The following STPG2 variants were observed in gnomAD, a reference collection of about 807,000 sequenced individuals.
STPG2 encodes the protein sperm-tail PG-rich repeat-containing protein 2.
STPG2 carries 56 observed loss-of-function variants against 54.2 expected under a neutral mutation model. That is an observed-to-expected ratio of 1.03 (90% CI 0.83 to 1.29). The LOEUF is 1.29. Among genes scored for constraint, STPG2 ranks in the 50% most tolerant of loss-of-function variants. STPG2 has a pLI of 0.00. For missense variants in STPG2, 596 were observed against 544.9 expected (o/e 1.09, Z -0.93); for synonymous variants, 200 against 181.8 (o/e 1.10, Z -0.81).
intron 3 of STPG2, among the ~76,000 whole-genome samples, chr4:98,127,246 GT>G (rs1417294942): frequency 1.3e-5 from 2 of 152,040 alleles, no homozygotes; most frequent in African/African-American, 2.4e-5. Flanking sequence ...TTTAACCTGT[GT>G]TTTATCTGTG....
At chr4:97,671,706 G>C (rs749521377) in intron 10 of STPG2, among the ~76,000 whole-genome samples, 4 of 152,092 alleles carry the variant, frequency 2.6e-5, no homozygotes, top group African/African-American at 4.8e-5. Context: ...TCCTTGCTTT[G>C]TTACTTTGTC....
intron 8 of STPG2, among the ~76,000 whole-genome samples, chr4:97,878,609 C>G (rs1284055224): frequency 6.6e-6 from 1 of 152,160 alleles, no homozygotes; most frequent in East Asian, 1.9e-4. Flanking sequence ...CACAGGGCAC[C>G]AAGTCCCTAG....
intron 4 of STPG2, among the ~76,000 whole-genome samples, chr4:97,501,250 A>G (rs1364725293): frequency 1.3e-5 from 2 of 152,138 alleles, no homozygotes; most frequent in Non-Finnish European, 2.9e-5. Context: ...AAATGTGTCT[A>G]GGATAATTCA....
chr4:97,605,428 A>C (rs1733568979), intron 10 of STPG2, among the ~76,000 whole-genome samples: 1 of 151,740 alleles, frequency 6.6e-6, no homozygotes, highest in African/African-American at 2.4e-5. Context: ...GAAGCCTAAA[A>C]AGTTTGTGCT....
At chr4:98,137,558 G>T (rs187264607) in intron 1 of STPG2, among the ~76,000 whole-genome samples, 303 of 151,576 alleles carry the variant, frequency 2.0e-3, no homozygotes, top group African/African-American at 7.2e-3. Context: ...CAATAAAAGG[G>T]TTTTAAGTTT....
chr4:97,665,665 C>A (rs563913717), intron 10 of STPG2, among the ~76,000 whole-genome samples: 3 of 152,276 alleles, frequency 2.0e-5, no homozygotes, highest in South Asian at 2.1e-4. Flanking sequence ...TGGGACCCAC[C>A]CTTTTCCAGC....
In STPG2 at chr4:97,913,557, T is replaced by C. The variant is rs182461267; in HGVS notation, c.1044+30340A>G. ...CCTTGCGCATATAATAATGATAGTA[T>C]AGCTTTAAATTATCAATTAAGATTA... On this transcript the variant is annotated intron_variant, in intron 8 of 10. Coordinates refer to ENST00000295268, the MANE Select transcript of STPG2 (RefSeq NM_174952.3). 4.3e-3 allele frequency among the ~76,000 whole-genome samples: 657 copies of C among 152,236 alleles called. 3 individuals are homozygous for C. Among genetic ancestry groups the C allele is most frequent in the South Asian group, 0.024 (117 of 4,828 alleles).
intron 4 of STPG2, among the ~76,000 whole-genome samples, chr4:97,517,509 A>T (rs570573249): frequency 5.9e-4 from 90 of 152,258 alleles, no homozygotes; most frequent in Non-Finnish European, 1.1e-3. Flanking sequence ...TCTGACTGCT[A>T]TTTGGAGAAT....
intron 5 of STPG2, among the ~76,000 whole-genome samples, chr4:97,992,764 T>C (rs868468057): frequency 2.8e-4 from 42 of 152,310 alleles, no homozygotes; most frequent in South Asian, 1.0e-3. Context: ...GTGCCATCTA[T>C]GATTTCTTTC....
chr4:97,660,299 C>G (rs1224180010), intron 10 of STPG2, among the ~76,000 whole-genome samples: 2 of 152,222 alleles, frequency 1.3e-5, no homozygotes, highest in African/African-American at 4.8e-5. Context: ...CCGCGCCGGC[C>G]TGTAGATGAA....
At position 97,644,654 on chromosome 4, in the gene STPG2, G is replaced by A. The variant is rs72890879; in HGVS notation, c.1320+68045C>T. Among the ~76,000 whole-genome samples, 122 of 152,048 alleles carry A rather than the reference G, an allele frequency of 8.0e-4. 1 individual carries two copies. Among genetic ancestry groups the A allele is most frequent in the African/African-American group, 2.9e-3 (121 of 41,538 alleles). ...TTGATTTTCAGGAGTTTGGGAACCC[G>A]AAACATAACATGATCTATTTTTCAA... On this transcript the variant is annotated intron_variant, in intron 10 of 10. Coordinates refer to ENST00000295268, the MANE Select transcript of STPG2 (RefSeq NM_174952.3).
intron 5 of STPG2, among the ~76,000 whole-genome samples, chr4:98,090,906 A>G (rs1001158721): frequency 1.5e-4 from 22 of 150,824 alleles, no homozygotes; most frequent in African/African-American, 5.4e-4. Flanking sequence ...CAAGACACTT[A>G]TGCCTATATA....
At chr4:97,451,521 T>C (rs1473960377) in intron 4 of STPG2, among the ~76,000 whole-genome samples, 4 of 152,112 alleles carry the variant, frequency 2.6e-5, no homozygotes, top group Non-Finnish European at 5.9e-5. Flanking sequence ...TTTTCTTTTG[T>C]TAACAGAAAA....
In STPG2 at chr4:97,790,461, C is replaced by T. The variant is rs571512389; in HGVS notation, c.1204+50312G>A. Among the ~76,000 whole-genome samples the T allele has an allele frequency of 8.5e-4, 129 of 152,198 alleles. 1 individual carries two copies. Among genetic ancestry groups the T allele is most frequent in the African/African-American group, 3.0e-3 (126 of 41,544 alleles). On this transcript the variant is annotated intron_variant, in intron 9 of 10. Coordinates refer to ENST00000295268, the MANE Select transcript of STPG2 (RefSeq NM_174952.3). ...GGCCAAAATGAAAGTGTCTGCAGGT[C>T]TTTGTTCCTTTTCTGGATTCTAGAA...
chr4:98,045,042 G>C (rs1737080751), intron 5 of STPG2, among the ~76,000 whole-genome samples: 1 of 151,852 alleles, frequency 6.6e-6, no homozygotes. Flanking sequence ...AAGGAGTCTT[G>C]GACCCTTGCT....
chr4:97,534,621 C>T (rs922633151), intron 4 of STPG2, among the ~76,000 whole-genome samples: 1 of 151,926 alleles, frequency 6.6e-6, no homozygotes, highest in Non-Finnish European at 1.5e-5. Context: ...TTAAAATTTT[C>T]ATTTTATTGA....
intron 5 of STPG2, among the ~76,000 whole-genome samples, chr4:98,055,983 C>A (rs150342543): frequency 0.013 from 1,967 of 152,304 alleles, 24 homozygotes; most frequent in Non-Finnish European, 0.018. Context: ...CACATACTCC[C>A]TCCCCATACG....
intron 6 of STPG2, 69 bp downstream of exon 6, chr4:97,981,090 C>T: frequency 6.7e-7 from 1 of 1,503,458 alleles, no homozygotes; most frequent in South Asian, 1.3e-5. Flanking sequence ...TCTGGTGTAT[C>T]CATCTTGTTA....
At chr4:97,745,999 T>A (rs374000155) in intron 9 of STPG2, among the ~76,000 whole-genome samples, 30 of 151,406 alleles carry the variant, frequency 2.0e-4, no homozygotes, top group Admixed American at 5.3e-4. Context: ...GTATCTCATC[T>A]TTTTCTCTGA....
Sources: allele counts gnomAD v4.1 joint callset (sites outside exome capture counted in the v4.1 genomes callset), GRCh38; gene constraint gnomAD v4.1.1; transcripts MANE v1.5; gene names NCBI Gene and HGNC (gene_info 2026-07-23, HGNC 2026-07-21).